Variants in ADGRL2 observed in about 807,000 individuals in gnomAD.
ADGRL2 encodes calcium-independent alpha-latrotoxin receptor 2.
A neutral mutation model predicts 157.4 loss-of-function variants in ADGRL2; 44 were observed. The ratio of observed to expected loss-of-function variants is 0.28; its 90% CI spans 0.22 to 0.36. ADGRL2 has a LOEUF of 0.36. ADGRL2 is among the 10% of genes least tolerant of loss of function. ADGRL2 has a pLI of 1.00. For missense variants in ADGRL2, 1,510 were observed against 1,768.9 expected, an observed-to-expected ratio of 0.85 and a Z score of 2.63; for synonymous variants, 585 against 624.7, an observed-to-expected ratio of 0.94 and a Z score of 0.95.
intron 2 of ADGRL2, among the ~76,000 whole-genome samples, chr1:81,905,977 T>C (rs2148284628): frequency 6.6e-6 from 1 of 151,916 alleles, no homozygotes; most frequent in East Asian, 1.9e-4. Context: ...TGTGTGTGTG[T>C]GTGTGTGTGT....
intron 2 of ADGRL2, among the ~76,000 whole-genome samples, chr1:81,552,515 A>G (rs1370280932): frequency 1.3e-5 from 2 of 151,556 alleles, no homozygotes; most frequent in African/African-American, 2.4e-5. Flanking sequence ...ATCTCTCTCC[A>G]TAAATGTTAG....
At chr1:81,849,692 A>G (rs2092929133) in intron 2 of ADGRL2, among the ~76,000 whole-genome samples, 1 of 151,916 alleles carries the variant, frequency 6.6e-6, no homozygotes, top group African/African-American at 2.4e-5. Flanking sequence ...CTTTCCTGTA[A>G]TACTGATAAG....
intron 2 of ADGRL2, among the ~76,000 whole-genome samples, chr1:81,856,476 G>C (rs916943359): frequency 1.3e-5 from 2 of 152,038 alleles, no homozygotes; most frequent in South Asian, 4.1e-4. Flanking sequence ...TGTCTTTTTC[G>C]ATCAGCTGTT....
chr1:81,971,573 G>A (rs1379365896), intron 16 of ADGRL2, among the ~76,000 whole-genome samples: 1 of 152,134 alleles, frequency 6.6e-6, no homozygotes, highest in African/African-American at 2.4e-5. Context: ...GAAGTCTTAA[G>A]GATTCAGTGG....
chr1:81,361,830 C>T (rs1444636953), intron 1 of ADGRL2, among the ~76,000 whole-genome samples: 9 of 151,826 alleles, frequency 5.9e-5, no homozygotes, highest in African/African-American at 2.2e-4. Context: ...TGATATCTGT[C>T]CTAAAAGAAA....
chr1:81,708,557 T>C (rs2083817425), intron 1 of ADGRL2, among the ~76,000 whole-genome samples: 1 of 152,094 alleles, frequency 6.6e-6, no homozygotes, highest in South Asian at 2.1e-4. Context: ...TAAATGTTTC[T>C]GCACACATTT....
chr1:81,320,448 A>T (rs1204081104), intron 1 of ADGRL2, among the ~76,000 whole-genome samples: 1 of 152,192 alleles, frequency 6.6e-6, no homozygotes, highest in Non-Finnish European at 1.5e-5. Context: ...ACTCCCTCAG[A>T]AGAATCTCTA....
chr1:81,437,387 A>G (rs1292885459), intron 1 of ADGRL2, among the ~76,000 whole-genome samples: 2 of 152,166 alleles, frequency 1.3e-5, no homozygotes, highest in Admixed American at 6.5e-5. Flanking sequence ...GGCAGATTAG[A>G]TTAACAGGCC....
chr1:81,452,647 G>A (rs567544189), intron 2 of ADGRL2, among the ~76,000 whole-genome samples: 1 of 152,110 alleles, frequency 6.6e-6, no homozygotes, highest in Non-Finnish European at 1.5e-5. Context: ...TGAATCTCCT[G>A]CCTGTGAGAA....
chr1:81,573,399 C>T (rs1197996577), intron 2 of ADGRL2, among the ~76,000 whole-genome samples: 1 of 152,090 alleles, frequency 6.6e-6, no homozygotes, highest in African/African-American at 2.4e-5. Context: ...TTCCCTTTCC[C>T]ACTCTGTTTC....
At chr1:81,814,171 A>C (rs975953196) in intron 1 of ADGRL2, among the ~76,000 whole-genome samples, 2 of 151,766 alleles carry the variant, frequency 1.3e-5, no homozygotes, top group Non-Finnish European at 3.0e-5. Context: ...ATTATCAAAG[A>C]AAATTTTATC....
intron 2 of ADGRL2, among the ~76,000 whole-genome samples, chr1:81,472,145 AAAAC>A (rs578229631): frequency 1.7e-3 from 253 of 152,344 alleles, no homozygotes; most frequent in African/African-American, 5.8e-3. Context: ...ATTGACCTCA[AAAAC>A]AAACAAATAA....
At chr1:81,673,584 G>T (rs1435522913) in intron 3 of ADGRL2, among the ~76,000 whole-genome samples, 1 of 146,072 alleles carries the variant, frequency 6.8e-6, no homozygotes, top group Non-Finnish European at 1.5e-5. Flanking sequence ...GCGCGATCTC[G>T]GCTCACTGCA....
intron 2 of ADGRL2, among the ~76,000 whole-genome samples, chr1:81,853,562 G>A (rs1379206669): frequency 6.6e-6 from 1 of 152,074 alleles, no homozygotes; most frequent in African/African-American, 2.4e-5. Context: ...ATTTTATTAG[G>A]TTTTATCTTT....
chr1:81,891,767 T>A (rs1029089452), intron 2 of ADGRL2, among the ~76,000 whole-genome samples: 7 of 152,118 alleles, frequency 4.6e-5, no homozygotes, highest in African/African-American at 1.7e-4. Context: ...TTGAGGTAGA[T>A]CGATTTATCT....
In ADGRL2 at chr1:81,968,140, A is replaced by G; in HGVS notation, c.2464A>G (p.Thr822Ala). 2 of 1,612,832 alleles carry G rather than the reference A, an allele frequency of 1.2e-6. No individual in the cohort carries two copies. Among genetic ancestry groups the G allele is most frequent in the Non-Finnish European group, 1.7e-6 (2 of 1,179,638 alleles). ...KLVDTNKTRTTCACSHLTNFA... is the reference protein window; with the variant it reads ...KLVDTNKTRTACACSHLTNFA... The stretch of plus-strand genomic sequence containing the variant: ...GGTTGACACTAATAAAACTCGAACA[A>G]CGTGTGCATGCAGCCACCTAACCAA... Residue 822 changes from threonine to alanine, a missense_variant, in exon 14 of 24, where the codon ACG (threonine) becomes GCG (alanine). This residue lies in a region of ADGRL2 where 497 missense variants were observed against 627.2 expected (regional missense o/e 0.79). Coordinates refer to ENST00000686636, the MANE Select transcript of ADGRL2 (RefSeq NM_001366006.2).
rs544446633 is a variant in ADGRL2 at position 81,450,866 on chromosome 1, A to C, written c.-248+5777A>C. Among the ~76,000 whole-genome samples, 171 of 152,240 alleles carry C rather than the reference A, an allele frequency of 1.1e-3. 1 individual carries two copies. Among genetic ancestry groups the C allele is most frequent in the South Asian group, 2.9e-3 (14 of 4,830 alleles). On this transcript the variant is annotated intron_variant, in intron 2 of 24. Transcript: ENST00000370721. ...AAAACAGACCCCATGCTAATGACTT[A>C]GAGTCCCCCCAAAGTAAAAATCAAT...
chr1:81,537,672 G>C (rs1292549813), intron 2 of ADGRL2, among the ~76,000 whole-genome samples: 1 of 151,266 alleles, frequency 6.6e-6, no homozygotes, highest in Non-Finnish European at 1.5e-5. Context: ...TGCTAGGCCT[G>C]TCTTCTTTTT....
rs769350694 is a variant in ADGRL2, at chr1:81,907,126, C to T, written c.183C>T (p.Ser61=). The T allele has an allele frequency of 1.5e-4, 250 of 1,613,806 alleles. No homozygotes were observed. Among genetic ancestry groups the T allele is most frequent in the Admixed American group, 2.0e-4 (12 of 59,982 alleles). The change falls in exon 3 of 24, where the codon AGC becomes AGT. Residue 61 remains serine (S), a synonymous_variant. Coordinates refer to ENST00000686636, the MANE Select transcript of ADGRL2 (RefSeq NM_001366006.2). ...CPGSDVIMIE[S]ANYGRTDDKI... ...GCAGTGATGTCATCATGATTGAGAG[C>T]GCTAACTATGGTCGGACGGATGACA...
Sources: allele counts gnomAD v4.1 joint callset (sites outside exome capture counted in the v4.1 genomes callset), GRCh38; gene constraint gnomAD v4.1.1; regional missense constraint gnomAD v4.1.1; transcripts MANE v1.5; gene names NCBI Gene and HGNC (gene_info 2026-07-23, HGNC 2026-07-21).